The following OSBPL9 variants were observed in gnomAD, a reference collection of about 807,000 sequenced individuals.
The protein encoded by OSBPL9 is oxysterol binding protein like 9.
OSBPL9 carries 40 observed loss-of-function variants against 106.6 expected under a neutral mutation model. That is an observed-to-expected ratio of 0.38 (90% confidence interval 0.29 to 0.49). The LOEUF is 0.49. Among genes scored for constraint, OSBPL9 ranks in the 20% least tolerant of loss-of-function variants. OSBPL9 has a pLI of 0.97. For synonymous variants in OSBPL9, 269 were observed against 295.4 expected (o/e 0.91, Z 0.92); for missense variants, 609 against 887.2 (o/e 0.69, Z 3.98).
Position 51,718,166 on chromosome 1 carries a change from C to T in OSBPL9, c.318+4087C>T, listed in dbSNP as rs115283011. Among the ~76,000 whole-genome samples the T allele has an allele frequency of 3.4e-3, 511 of 152,212 alleles. 5 individuals are homozygous for T. The highest frequency in any genetic ancestry group is 0.012 in the African/African-American group (488 of 41,526). On this transcript the variant is annotated intron_variant, in intron 4 of 23. Transcript: ENST00000428468. ...AGCTAAAAATTAAAACAATCGAACT[C>T]ATGGAGCTAGAGAATAGAATTATGG... is the stretch of plus-strand genomic sequence containing the variant.
At chr1:51,747,882 C>T (rs978484276) in intron 6 of OSBPL9, among the ~76,000 whole-genome samples, 2 of 152,008 alleles carry the variant, frequency 1.3e-5, no homozygotes, top group African/African-American at 4.8e-5. Context: ...CTCTGCCTCC[C>T]AGGTTCACGC....
intron 8 of OSBPL9, among the ~76,000 whole-genome samples, chr1:51,750,792 GA>G (rs1669065137): frequency 6.6e-6 from 1 of 152,144 alleles, no homozygotes; most frequent in African/African-American, 2.4e-5. Flanking sequence ...TTGAGAATAG[GA>G]ATTTTTAAAA....
the OSBPL9 span, chr1:51,561,838 T>C: frequency 6.6e-6 from 1 of 152,202 alleles, no homozygotes; most frequent in Admixed American, 6.5e-5. Flanking sequence ...CTTTCTACTT[T>C]GTGAAAACTG....
chr1:51,588,482 G>T (rs1645258098), intron 1 of OSBPL9, among the ~76,000 whole-genome samples: 1 of 152,114 alleles, frequency 6.6e-6, no homozygotes, highest in Non-Finnish European at 1.5e-5. Flanking sequence ...CACATAGCAA[G>T]ACCCCTGTCT....
At chr1:51,719,948 A>G (rs1381588870) in intron 4 of OSBPL9, among the ~76,000 whole-genome samples, 2 of 152,244 alleles carry the variant, frequency 1.3e-5, no homozygotes, top group Non-Finnish European at 2.9e-5. Flanking sequence ...AAACTATGAC[A>G]TACGTACACT....
intron 4 of OSBPL9, among the ~76,000 whole-genome samples, chr1:51,725,682 T>TG (rs1333934835): frequency 6.6e-6 from 1 of 152,122 alleles, no homozygotes; most frequent in Non-Finnish European, 1.5e-5. Flanking sequence ...GGACTGAAGT[T>TG]GGGTATATAT....
At chr1:51,784,666 G>T in intron 20 of OSBPL9, 84 bp downstream of exon 20, 1 of 1,449,700 alleles carries the variant, frequency 6.9e-7, no homozygotes, top group Non-Finnish European at 9.5e-7. Flanking sequence ...TGGATTAGGA[G>T]TGTGAAAGAA....
intron 2 of OSBPL9, among the ~76,000 whole-genome samples, chr1:51,655,583 G>A (rs1454293148): frequency 6.6e-6 from 1 of 152,116 alleles, no homozygotes; most frequent in Non-Finnish European, 1.5e-5. Flanking sequence ...TTACTCCTGC[G>A]ATATCATATT....
chr1:51,568,798 C>T, the OSBPL9 span, among the ~76,000 whole-genome samples: 15 of 152,156 alleles, frequency 9.9e-5, no homozygotes, highest in Non-Finnish European at 2.1e-4. Flanking sequence ...GGTGCAATCT[C>T]GGCTCACTAC....
intron 12 of OSBPL9, among the ~76,000 whole-genome samples, chr1:51,769,776 G>A (rs1673437297): frequency 6.6e-6 from 1 of 152,034 alleles, no homozygotes; most frequent in Non-Finnish European, 1.5e-5. Context: ...CAGTCTTACT[G>A]AGTATTTCAC....
intron 3 of OSBPL9, among the ~76,000 whole-genome samples, chr1:51,698,283 G>A (rs1346750125): frequency 6.6e-6 from 1 of 152,082 alleles, no homozygotes; most frequent in Admixed American, 6.5e-5. Flanking sequence ...ACATTGGGGT[G>A]GCTTAGAGTA....
intron 1 of OSBPL9, among the ~76,000 whole-genome samples, chr1:51,585,560 A>G: frequency 6.6e-6 from 1 of 152,050 alleles, no homozygotes; most frequent in East Asian, 1.9e-4. Context: ...GGCAGATCAC[A>G]AGGTCAGGAG....
chr1:51,786,666 GC>G (rs777445022), intron 22 of OSBPL9, 49 bp downstream of exon 22: 3 of 1,502,872 alleles, frequency 2.0e-6, no homozygotes, highest in Non-Finnish European at 2.8e-6. Context: ...CTTAAACTTT[GC>G]CTAGGCGTAG....
rs776396948 is a variant in OSBPL9 at position 51,772,576 on chromosome 1, C to T, written c.1052-29C>T. 6 of 1,541,710 alleles carry T rather than the reference C, an allele frequency of 3.9e-6. No individual in the cohort carries two copies. The South Asian group carries it at 5.6e-5, about 14-fold the overall frequency. ...CAGGACAGATTGGCCCAATTTAGCA[C>T]CATTCTAATAAGATCTGCTTTATTT... is the stretch of plus-strand genomic sequence containing the variant. On this transcript the variant is annotated intron_variant, in intron 13 of 23. Coordinates refer to ENST00000428468, the MANE Select transcript of OSBPL9 (RefSeq NM_024586.6).
intron 2 of OSBPL9, among the ~76,000 whole-genome samples, chr1:51,600,927 A>G (rs1464395982): frequency 1.3e-5 from 2 of 152,204 alleles, no homozygotes; most frequent in Non-Finnish European, 2.9e-5. Flanking sequence ...TACATAATAG[A>G]TATCAGAAAG....
chr1:51,740,178 T>C, intron 4 of OSBPL9: 1 of 1,546,528 alleles, frequency 6.5e-7, no homozygotes, highest in Non-Finnish European at 8.7e-7. Flanking sequence ...AGTCTTCTGG[T>C]ATCTCTCCAG....
At chr1:51,595,228 G>A (rs1334077372) in intron 1 of OSBPL9, among the ~76,000 whole-genome samples, 2 of 152,144 alleles carry the variant, frequency 1.3e-5, no homozygotes, top group Non-Finnish European at 2.9e-5. Flanking sequence ...AGGGTCTCTA[G>A]GAGTTAGGGA....
At chr1:51,550,205 A>C in the OSBPL9 span, among the ~76,000 whole-genome samples, 1 of 152,208 alleles carries the variant, frequency 6.6e-6, no homozygotes, top group Non-Finnish European at 1.5e-5. Context: ...AAGCTCCACA[A>C]ATTTATGGCA....
chr1:51,771,630 A>G (rs112630802), intron 12 of OSBPL9, among the ~76,000 whole-genome samples: 68 of 152,250 alleles, frequency 4.5e-4, no homozygotes, highest in African/African-American at 1.6e-3. Context: ...CATAAATAAG[A>G]TGTTTTTTTA....
Sources: allele counts gnomAD v4.1 joint callset (sites outside exome capture counted in the v4.1 genomes callset), GRCh38; gene constraint gnomAD v4.1.1; transcripts MANE v1.5; gene names NCBI Gene and HGNC (gene_info 2026-07-23, HGNC 2026-07-21).